The following ITGB1BP2 variants were observed in gnomAD, a reference collection of about 807,000 sequenced individuals.
The protein encoded by ITGB1BP2 is integrin subunit beta 1 binding protein 2, also known as integrin beta-1-binding protein 2.
ITGB1BP2 carries 27 observed loss-of-function variants against 32.2 expected under a neutral mutation model. That is an observed-to-expected ratio of 0.84 (90% CI 0.62 to 1.16). The LOEUF is 1.16. Among genes scored for constraint, ITGB1BP2 ranks in the 50% most tolerant of loss-of-function variants. The pLI, the probability that ITGB1BP2 is intolerant of heterozygous loss-of-function variation, is 0.00. For missense variants in ITGB1BP2, 250 were observed against 267.3 expected (o/e 0.94, Z 0.45); for synonymous variants, 105 against 94.7 (o/e 1.11, Z -0.63).
intron 1 of ITGB1BP2, 128 bp downstream of exon 1, chrX:71,301,998 T>G: frequency 1.1e-6 from 1 of 892,045 alleles, no homozygotes. Flanking sequence ...CTGAGTGATC[T>G]TACAGCCTTT....
At position 71,305,108 on chromosome X, in the gene ITGB1BP2, G is replaced by C; in HGVS notation, c.960G>C (p.Glu320Asp). 8.3e-7 allele frequency: 1 copy of C among 1,210,945 alleles called. No individual in the cohort carries two copies. The highest frequency in any genetic ancestry group is 1.1e-6 in the Non-Finnish European group (1 of 895,160). ...AKKARAGVVL[E>D]MDEEESDDSD... is the part of the protein sequence containing the mutation. ...AGGCTAGGGCAGGGGTTGTGTTAGA[G>C]ATGGATGAGGAAGAATCTGACGATT... The change falls in exon 11 of 11, where the codon GAG becomes GAC. Residue 320 changes from glutamate (E) to aspartate (D), a missense_variant. Physicochemically the swap from Glu to Asp is conservative, Grantham distance 45. Transcript: ENST00000373829.
chrX:71,304,764 C>T, intron 10 of ITGB1BP2, 160 bp downstream of exon 10: 1 of 486,735 alleles, frequency 2.1e-6, no homozygotes, highest in Non-Finnish European at 3.5e-6. Context: ...CTTCCTATTT[C>T]CCTCTTTCCC....
Position 71,304,992 on chromosome X carries a change from T to G in ITGB1BP2, c.844T>G (p.Phe282Val). Residue 282 changes from phenylalanine to valine, a missense_variant, in exon 11 of 11, where the codon TTC (phenylalanine) becomes GTC (valine). Coordinates refer to ENST00000373829, the MANE Select transcript of ITGB1BP2 (RefSeq NM_012278.4). ...GVINVEQSSV[F>V]LMPSRVEISL... ...CATAAACGTGGAGCAGAGCTCTGTC[T>G]TCTTGATGCCATCTCGGGTTGAAAT... is the stretch of plus-strand genomic sequence containing the variant. 2 of 1,211,243 alleles carry G rather than the reference T, an allele frequency of 1.7e-6. No individual in the cohort carries two copies. The highest frequency in any genetic ancestry group is 2.2e-6 in the Non-Finnish European group (2 of 894,965).
chrX:71,304,977 G>T lies in ITGB1BP2; in HGVS notation c.829G>T (p.Glu277Ter). ...TGCTCCTCCTCAGGTCATAAACGTG[G>T]AGCAGAGCTCTGTCTTCTTGATGCC... is the stretch of plus-strand genomic sequence containing the variant. ...QMKLWGVINVEQSSVFLMPSR... is the reference protein window; with the variant it reads ...QMKLWGVINV The change falls in exon 11 of 11, where the codon GAG becomes TAG. Residue 277 changes from glutamate (E) to a stop codon, truncating the protein, a stop_gained. Coordinates refer to ENST00000373829, the MANE Select transcript of ITGB1BP2 (RefSeq NM_012278.4). LOFTEE classifies it high-confidence loss of function. 8.3e-7 allele frequency: 1 copy of T among 1,208,993 alleles called. No individual in the cohort carries two copies. The highest frequency in any genetic ancestry group is 1.8e-5 in the South Asian group (1 of 56,877).
chrX:71,303,333 A>C lies in ITGB1BP2; in HGVS notation c.389A>C (p.Glu130Ala). 8.3e-7 allele frequency: 1 copy of C among 1,211,648 alleles called. No homozygotes were observed. The highest frequency in any genetic ancestry group is 2.2e-5 in the Admixed American group (1 of 45,994). ...CTGGAAATGGCATTGGAACAGAAGGAATTAGACCAGGAACCTGGGGCAGGT... is the reference window on the plus strand; with the variant it reads ...CTGGAAATGGCATTGGAACAGAAGGCATTAGACCAGGAACCTGGGGCAGGT... ...QALEMALEQK[E>A]LDQEPGAGLD... Residue 130 changes from glutamate to alanine, a missense_variant, in exon 5 of 11, where the codon GAA becomes GCA. By Grantham distance (107) the Glu-to-Ala change is moderately radical. Transcript: ENST00000373829.
chrX:71,301,910 G>A (rs746582408), intron 1 of ITGB1BP2, 40 bp downstream of exon 1: 1 of 1,115,820 alleles, frequency 9.0e-7, no homozygotes, highest in South Asian at 1.8e-5. Context: ...GCTCTGTGTG[G>A]GTGTTGGGGA....
chrX:71,304,335 T>C (rs1052806004), intron 9 of ITGB1BP2, 35 bp downstream of exon 9: 9 of 1,035,036 alleles, frequency 8.7e-6, no homozygotes, highest in Non-Finnish European at 1.2e-5. Flanking sequence ...GGGAGGATAG[T>C]CAATTGGGTG....
chrX:71,302,194 G>A lies in ITGB1BP2; in HGVS notation c.114+8G>A. The A allele has an allele frequency of 1.7e-6, 2 of 1,210,904 alleles. No individual in the cohort carries two copies. The highest frequency in any genetic ancestry group is 2.2e-5 in the Admixed American group (1 of 45,918). ...TTCCATGATGCACTTAAGGTGAGGA[G>A]TAGGTGAGGGGGGTTAGCAAGAGCA... On this transcript the variant is annotated splice_region_variant and intron_variant, in intron 2 of 10. Coordinates refer to ENST00000373829, the MANE Select transcript of ITGB1BP2 (RefSeq NM_012278.4).
Position 71,303,802 on chromosome X carries a change from C to T in ITGB1BP2, c.540-10C>T, listed in dbSNP as rs756985124. ...TGAGAGAATTCAGTTGAATTATCTTCCTACTTCAGGATGAAGTCTTGGAGC... is the reference window on the plus strand; with the variant it reads ...TGAGAGAATTCAGTTGAATTATCTTTCTACTTCAGGATGAAGTCTTGGAGC... On this transcript the variant is annotated splice_polypyrimidine_tract_variant and intron_variant, in intron 7 of 10. Coordinates refer to ENST00000373829, the MANE Select transcript of ITGB1BP2 (RefSeq NM_012278.4). The T allele has an allele frequency of 1.7e-6, 2 of 1,197,426 alleles. No individual in the cohort carries two copies. The highest frequency in any genetic ancestry group is 3.5e-5 in the African/African-American group (2 of 57,341).
At position 71,302,572 on chromosome X, in the gene ITGB1BP2, C is replaced by G. The variant is rs1454774571; in HGVS notation, c.317+16C>G. 5 of 1,186,252 alleles carry G rather than the reference C, an allele frequency of 4.2e-6. No individual in the cohort carries two copies. The highest frequency in any genetic ancestry group is 5.7e-6 in the Non-Finnish European group (5 of 884,650). ...AGAGGCCCAAGTAAAGAGGAGGAGG[C>G]CCCTGGACTTTTCTTATTTTCATGT... On this transcript the variant is annotated intron_variant, in intron 4 of 10. Transcript: ENST00000373829.
chrX:71,303,208 A>T (rs1170401853), intron 4 of ITGB1BP2, 54 bp from the exon 5 acceptor site: 55 of 1,015,025 alleles, frequency 5.4e-5, no homozygotes, highest in Non-Finnish European at 7.5e-5. Flanking sequence ...GGAGTGTTGG[A>T]GCTAGCAATC....
At chrX:71,304,903 G>GA (rs754279142) in intron 10 of ITGB1BP2, 62 bp from the exon 11 acceptor site, 3 of 959,127 alleles carry the variant, frequency 3.1e-6, no homozygotes, top group Non-Finnish European at 4.5e-6. Context: ...ACTCCACCCT[G>GA]ACCCCAATGC....
rs2031673303 is a variant in ITGB1BP2, at chrX:71,304,976, G to A, written c.828G>A (p.Val276=). The change falls in exon 11 of 11, where the codon GTG becomes GTA. Residue 276 remains valine, a synonymous_variant. Coordinates refer to ENST00000373829, the MANE Select transcript of ITGB1BP2 (RefSeq NM_012278.4). ...AQMKLWGVIN[V]EQSSVFLMPS... ...TTGCTCCTCCTCAGGTCATAAACGT[G>A]GAGCAGAGCTCTGTCTTCTTGATGC... is the stretch of plus-strand genomic sequence containing the variant. The A allele has an allele frequency of 8.3e-7, 1 of 1,208,434 alleles. No homozygotes were observed. Among genetic ancestry groups the A allele is most frequent in the Non-Finnish European group, 1.1e-6 (1 of 892,783 alleles).
chrX:71,302,168 C>T lies in ITGB1BP2; in HGVS notation c.96C>T (p.Ile32=). The change falls in exon 2 of 11, where the codon ATC becomes ATT. Residue 32 remains isoleucine, a synonymous_variant. Transcript: ENST00000373829. The stretch of plus-strand genomic sequence containing the variant: ...GTTGCCATCACCCTGGGGTCCCAAT[C>T]TTCCATGATGCACTTAAGGTGAGGA... ...DSCCHHPGVP[I]FHDALKGWSC... 8.3e-7 allele frequency: 1 copy of T among 1,211,263 alleles called. No homozygotes were observed.
chrX:71,305,235 C>T lies in ITGB1BP2; in HGVS notation c.*43C>T, dbSNP rs1165341520. On this transcript the variant is annotated 3_prime_UTR_variant, in exon 11 of 11. Transcript: ENST00000373829. ...TGTCTAGATAGGACCTCAATGATTC[C>T]CTTAGAATCTTAGATACCAGGATAT... 8 of 1,063,669 alleles carry T rather than the reference C, an allele frequency of 7.5e-6. No individual in the cohort carries two copies. The Admixed American group carries it at 2.1e-4, about 28-fold the overall frequency. 87.7% of individuals were successfully genotyped at this position (1,063,669 alleles called of 1,213,427 possible). A position where few individuals can be genotyped will look rare whatever the true frequency, so the allele number is the denominator to read the frequency against.
Position 71,305,347 on chromosome X carries a change from A to G in ITGB1BP2, c.*155A>G, listed in dbSNP as rs2031680701. 1 of 460,607 alleles carries G rather than the reference A, an allele frequency of 2.2e-6. No individual in the cohort carries two copies. Among genetic ancestry groups the G allele is most frequent in the Admixed American group, 3.9e-5 (1 of 25,726 alleles). The allele number at this position is 460,607 out of a possible 1,213,427, so 38.0% of individuals were successfully genotyped here. On this transcript the variant is annotated 3_prime_UTR_variant, in exon 11 of 11. Coordinates refer to ENST00000373829, the MANE Select transcript of ITGB1BP2 (RefSeq NM_012278.4). ...AAACCATGCTGTTTTTTTCCCTTAA[A>G]TAAATCTTGTATTCTTCAGTTTCAC...
Position 71,303,468 on chromosome X carries a change from C to T in ITGB1BP2, c.420C>T (p.Asp140=), listed in dbSNP as rs763228328. ...TCTGTTTCCCTTGCCCAGGACTTGA[C>T]AGTCTGATCCGGACTGGTTCCAGCT... ...ELDQEPGAGL[D]SLIRTGSSCQ... Residue 140 remains aspartate, a synonymous_variant, in exon 6 of 11, where the codon GAC becomes GAT. Transcript: ENST00000373829. The T allele has an allele frequency of 2.7e-5, 33 of 1,211,581 alleles. No homozygotes were observed. The highest frequency in any genetic ancestry group is 3.6e-5 in the Non-Finnish European group (32 of 895,479).
At chrX:71,301,988 C>T in intron 1 of ITGB1BP2, 118 bp downstream of exon 1, 1 of 873,256 alleles carries the variant, frequency 1.1e-6, no homozygotes, top group Non-Finnish European at 1.6e-6. Context: ...TTTAATTGGT[C>T]TGAGTGATCT....
At chrX:71,304,352 C>T (rs761500115) in intron 9 of ITGB1BP2, 52 bp downstream of exon 9, 1 of 978,555 alleles carries the variant, frequency 1.0e-6, no homozygotes, top group South Asian at 2.0e-5. Context: ...GGTGATACTA[C>T]AATCTCACAG....
Sources: gnomAD v4.1 joint callset for allele counts on GRCh38, gnomAD v4.1.1 for gene constraint, MANE v1.5 for transcripts, NCBI Gene and HGNC (gene_info 2026-07-23, HGNC 2026-07-21) for gene names.